Variants in OFD1 observed in about 807,000 individuals in gnomAD.
OFD1 encodes the protein centriole and centriolar satellite protein OFD1.
In OFD1, 12 loss-of-function variants were observed where a neutral mutation model predicts 81.4. The observed-to-expected ratio is 0.15, with a 90% CI of 0.09 to 0.24. OFD1 has a LOEUF of 0.24. OFD1 is among the 10% of genes least tolerant of loss of function. The probability of loss-of-function intolerance (pLI) is 1.00; values close to 1 mark genes in which losing one functional copy is unlikely to be tolerated. For missense variants in OFD1, 685 were observed against 733.9 expected (o/e 0.93, Z 0.77); for synonymous variants, 256 against 263.7 (o/e 0.97, Z 0.28).
downstream of OFD1, chrX:13,773,301 G>C (rs72614512): frequency 6.8e-5 from 14 of 206,166 alleles, no homozygotes. Context: ...AATGAAATAC[G>C]AGAGGGTGCT....
intron 20 of OFD1, among the ~76,000 whole-genome samples, chrX:13,767,505 ATTTTTGTACATTC>A (rs1364542737): frequency 8.9e-6 from 1 of 112,078 alleles, no homozygotes; most frequent in Admixed American, 9.4e-5. Flanking sequence ...TTTGAAGGTA[ATTTTTGTACATTC>A]TCATCTGATC....
chrX:13,765,920 C>T lies in OFD1; in HGVS notation c.2600-1207C>T, dbSNP rs73451153. ...GAGATGCTGGAGTGGTTAGTTGTCA[C>T]TTCAGGAATAAGGAGGAGGTGGCAT... is the stretch of plus-strand genomic sequence containing the variant. On this transcript the variant is annotated intron_variant, in intron 19 of 22. Coordinates refer to ENST00000340096, the MANE Select transcript of OFD1 (RefSeq NM_003611.3). Among the ~76,000 whole-genome samples, 1,055 of 112,009 alleles carry T rather than the reference C, an allele frequency of 9.4e-3. 11 individuals carry two copies. Among genetic ancestry groups the T allele is most frequent in the African/African-American group, 0.033 (1,002 of 30,798 alleles).
intron 18 of OFD1, among the ~76,000 whole-genome samples, chrX:13,763,065 C>G (rs760823652): frequency 8.9e-6 from 1 of 112,607 alleles, no homozygotes; most frequent in Non-Finnish European, 1.9e-5. Context: ...CCACTGCGCC[C>G]GGCCTAAGGA....
At chrX:13,730,016 G>A (rs184171082), upstream of OFD1, among the ~76,000 whole-genome samples, 310 of 111,953 alleles carry the variant, frequency 2.8e-3, 6 homozygotes, top group Admixed American at 0.029. Context: ...CATGGGCAAG[G>A]ACTTCATGAC....
chrX:13,732,376 C>G (rs933841417), upstream of OFD1, among the ~76,000 whole-genome samples: 8 of 111,999 alleles, frequency 7.1e-5, no homozygotes, highest in African/African-American at 2.3e-4. Flanking sequence ...CAGCACAGTA[C>G]TATCTTTAAA....
At chrX:13,716,465 T>C in the OFD1 span, 50 of 1,139,194 alleles carry the variant, frequency 4.4e-5, no homozygotes, top group Non-Finnish European at 1.4e-5. Flanking sequence ...CTGGCATCTA[T>C]GTTCCATGTT....
chrX:13,758,598 A>G (rs2047804746), intron 15 of OFD1, 150 bp downstream of exon 15: 3 of 441,969 alleles, frequency 6.8e-6, no homozygotes, highest in African/African-American at 4.9e-5. Flanking sequence ...AAAACTCCCT[A>G]TCCATTTTGG....
At chrX:13,762,488 A>G in intron 18 of OFD1, 44 bp downstream of exon 18, 2 of 857,118 alleles carry the variant, frequency 2.3e-6, no homozygotes, top group East Asian at 6.2e-5. Context: ...TTGAAAATCT[A>G]GAAAGCTTAG....
At chrX:13,722,208 C>CAGAAAAAAAAAAAAAAAAAAAAA in the OFD1 span, 2 of 36,118 alleles carry the variant, frequency 5.5e-5, no homozygotes, top group Non-Finnish European at 1.0e-4. Context: ...TAAGCAGCAG[C>CAGAAAAAAAAAAAAAAAAAAAAA]AAAAAAAAAA....
chrX:13,739,210 A>T (rs1455253066), intron 5 of OFD1, 178 bp downstream of exon 5: 2 of 450,750 alleles, frequency 4.4e-6, no homozygotes, highest in African/African-American at 2.5e-5. Context: ...ATATTCAATT[A>T]AAAAAACTGT....
chrX:13,772,886 T>C (rs1005547808), downstream of OFD1: 3 of 1,210,230 alleles, frequency 2.5e-6, no homozygotes, highest in African/African-American at 5.2e-5. Context: ...AACATTTATG[T>C]GTAAGAATTG....
At chrX:13,764,402 G>T (rs2147069415) in intron 19 of OFD1, among the ~76,000 whole-genome samples, 1 of 112,214 alleles carries the variant, frequency 8.9e-6, no homozygotes, top group Non-Finnish European at 1.9e-5. Context: ...TAGCACTGGA[G>T]GAAAACTGGC....
At chrX:13,715,735 T>C in the OFD1 span, 79 of 829,826 alleles carry the variant, frequency 9.5e-5, no homozygotes, top group African/African-American at 1.6e-3. Flanking sequence ...CCTAATAAAA[T>C]CAGCTATGAG....
Position 13,760,301 on chromosome X carries a change from C to T in OFD1, c.1841C>T (p.Ala614Val). ...TCAAGGATCACAAATTATCCAACTG[C>T]ATGGGTGGAGGGTAGTTCCCCTGAT... ...VASRITNYPT[A>V]WVEGSSPDSD... Residue 614 changes from alanine to valine, a missense_variant, in exon 16 of 23, where the codon GCA (alanine) becomes GTA (valine). Transcript: ENST00000340096. 3 of 1,211,401 alleles carry T rather than the reference C, an allele frequency of 2.5e-6. No individual in the cohort carries two copies. The highest frequency in any genetic ancestry group is 3.4e-6 in the Non-Finnish European group (3 of 895,021).
Position 13,760,073 on chromosome X carries a change from C to T in OFD1, c.1655-42C>T, listed in dbSNP as rs1415419997. The T allele has an allele frequency of 5.8e-6, 7 of 1,206,821 alleles. No homozygotes were observed. The Admixed American group carries it at 1.3e-4, about 23-fold the overall frequency. ...TTCTCAAGTATATTTTCTTCTCTGC[C>T]TTGTCCACTTACTTCTGAAATTGGC... On this transcript the variant is annotated intron_variant, in intron 15 of 22. Coordinates refer to ENST00000340096, the MANE Select transcript of OFD1 (RefSeq NM_003611.3).
At chrX:13,737,153 TC>T (rs34213863) in intron 3 of OFD1, among the ~76,000 whole-genome samples, 31,533 of 110,853 alleles carry the variant, frequency 0.28, 3,406 homozygotes, top group South Asian at 0.47. Context: ...GCTCTTTTTT[TC>T]CTGCACTAGT....
At chrX:13,742,996 G>A (rs895643121) in intron 5 of OFD1, among the ~76,000 whole-genome samples, 2 of 112,061 alleles carry the variant, frequency 1.8e-5, no homozygotes, top group Non-Finnish European at 3.8e-5. Context: ...GGGAAAAGGT[G>A]CTGAGCTAAC....
At chrX:13,720,053 G>A in the OFD1 span, 8 of 755,608 alleles carry the variant, frequency 1.1e-5, no homozygotes, top group African/African-American at 1.3e-4. Context: ...AATGGGAAGT[G>A]TAGAATTCTT....
intron 7 of OFD1, 97 bp from the exon 8 acceptor site, chrX:13,746,683 A>G: frequency 1.4e-6 from 1 of 700,897 alleles, no homozygotes; most frequent in African/African-American, 2.2e-5. Context: ...ATATTTGGAC[A>G]GAGCATTAAT....
Sources: allele counts gnomAD v4.1 joint callset (sites outside exome capture counted in the v4.1 genomes callset), GRCh38; gene constraint gnomAD v4.1.1; transcripts MANE v1.5; gene names NCBI Gene and HGNC (gene_info 2026-07-23, HGNC 2026-07-21).